The following GPHN variants were observed in gnomAD, a reference collection of about 807,000 sequenced individuals.
GPHN encodes gephyrin.
Under a neutral mutation model 95.5 loss-of-function variants are expected in GPHN, and 17 were observed. That is an observed-to-expected ratio of 0.18 (90% CI 0.12 to 0.27). GPHN has a LOEUF of 0.27. Ranked by LOEUF, GPHN falls within the 10% of genes least tolerant of loss-of-function variation. The pLI is 1.00. For synonymous variants in GPHN, 320 were observed against 322.5 expected (o/e 0.99, Z 0.08); for missense variants, 660 against 978.1 (o/e 0.67, Z 4.34).
intron 21 of GPHN, among the ~76,000 whole-genome samples, chr14:67,176,654 C>G (rs1295616588): frequency 6.6e-6 from 1 of 152,166 alleles, no homozygotes; most frequent in East Asian, 1.9e-4. Flanking sequence ...AGGAATGGTA[C>G]CAGCTCCTCT....
At chr14:66,953,557 C>T (rs1457958826) in intron 8 of GPHN, among the ~76,000 whole-genome samples, 1 of 152,180 alleles carries the variant, frequency 6.6e-6, no homozygotes, top group Non-Finnish European at 1.5e-5. Flanking sequence ...TGCAGTTGTT[C>T]TAGCATAATT....
intron 2 of GPHN, among the ~76,000 whole-genome samples, chr14:66,700,775 T>C (rs187556687): frequency 6.6e-6 from 1 of 152,116 alleles, no homozygotes; most frequent in Admixed American, 6.5e-5. Flanking sequence ...ATACAAAAAT[T>C]AGCTGGGCGT....
At chr14:66,873,225 T>G (rs1180956550) in intron 4 of GPHN, among the ~76,000 whole-genome samples, 1 of 152,172 alleles carries the variant, frequency 6.6e-6, no homozygotes, top group Non-Finnish European at 1.5e-5. Context: ...AACTGTGCAT[T>G]CCGGCCCAGA....
intron 1 of GPHN, among the ~76,000 whole-genome samples, chr14:66,581,185 G>A (rs2061151472): frequency 6.6e-6 from 1 of 150,384 alleles, no homozygotes; most frequent in Non-Finnish European, 1.5e-5. Context: ...TATATGATAG[G>A]CCCAAAATTA....
chr14:67,327,318 T>G, the GPHN span, among the ~76,000 whole-genome samples: 1 of 152,122 alleles, frequency 6.6e-6, no homozygotes, highest in Non-Finnish European at 1.5e-5. Flanking sequence ...AATGTATGTT[T>G]TAATTGTATA....
At chr14:67,317,916 A>G in the GPHN span, among the ~76,000 whole-genome samples, 1 of 152,350 alleles carries the variant, frequency 6.6e-6, no homozygotes, top group African/African-American at 2.4e-5. Context: ...CGAAAGTTGT[A>G]GCTTCTCTTA....
At chr14:66,576,242 G>C (rs1240518430) in intron 1 of GPHN, among the ~76,000 whole-genome samples, 1 of 152,166 alleles carries the variant, frequency 6.6e-6, no homozygotes, top group Non-Finnish European at 1.5e-5. Context: ...TTGGAGGCTG[G>C]GGCCACAGGA....
chr14:66,508,928 C>T, intron 1 of GPHN: 4 of 378,484 alleles, frequency 1.1e-5, no homozygotes, highest in Non-Finnish European at 2.0e-5. Context: ...ATCCCGGCTC[C>T]GCAGTCTGAA....
chr14:66,655,450 T>C (rs1015893424), intron 1 of GPHN, among the ~76,000 whole-genome samples: 4 of 152,084 alleles, frequency 2.6e-5, no homozygotes, highest in South Asian at 2.1e-4. Flanking sequence ...CATATATCAG[T>C]CTTGTATCTT....
chr14:66,764,450 T>A (rs191181355), intron 2 of GPHN, among the ~76,000 whole-genome samples: 1,830 of 152,256 alleles, frequency 0.012, 19 homozygotes, highest in Non-Finnish European at 0.018. Context: ...GTTTTTTTTT[T>A]TAATCATTTT....
At chr14:67,040,459 G>A (rs1380703779) in intron 10 of GPHN, among the ~76,000 whole-genome samples, 3 of 152,026 alleles carry the variant, frequency 2.0e-5, no homozygotes, top group Non-Finnish European at 4.4e-5. Flanking sequence ...ATGAAAATTA[G>A]GAAATGAACA....
At chr14:66,814,513 G>C (rs1210791400) in intron 3 of GPHN, among the ~76,000 whole-genome samples, 1 of 152,222 alleles carries the variant, frequency 6.6e-6, no homozygotes, top group Non-Finnish European at 1.5e-5. Flanking sequence ...CCCAGAGTTA[G>C]AGCACACAGT....
intron 1 of GPHN, among the ~76,000 whole-genome samples, chr14:66,668,648 C>T (rs1399973712): frequency 2.6e-5 from 4 of 151,946 alleles, no homozygotes; most frequent in Admixed American, 1.3e-4. Flanking sequence ...GAAGGTGGGA[C>T]GAGGGACAGT....
At chr14:67,359,836 G>T in the GPHN span, 1 of 925,154 alleles carries the variant, frequency 1.1e-6, no homozygotes, top group Non-Finnish European at 1.7e-6. Context: ...CTAAGAGGCA[G>T]CAGGGACACC....
At chr14:67,636,367 A>G in the GPHN span, among the ~76,000 whole-genome samples, 4 of 152,258 alleles carry the variant, frequency 2.6e-5, no homozygotes, top group Non-Finnish European at 1.5e-5. Flanking sequence ...AGTTGGAGCT[A>G]TTCAGCCTTG....
chr14:66,703,030 G>T (rs967520490), intron 2 of GPHN, among the ~76,000 whole-genome samples: 1 of 129,274 alleles, frequency 7.7e-6, no homozygotes, highest in Non-Finnish European at 1.5e-5. Context: ...CGACCAAGTG[G>T]AAGAAGGGAT....
At chr14:66,850,736 A>G (rs1201439378) in intron 4 of GPHN, among the ~76,000 whole-genome samples, 1 of 152,148 alleles carries the variant, frequency 6.6e-6, no homozygotes, top group Non-Finnish European at 1.5e-5. Context: ...CAGAGATTGG[A>G]AAAACCCTCA....
intron 4 of GPHN, among the ~76,000 whole-genome samples, chr14:66,830,957 A>C (rs995431654): frequency 2.0e-5 from 3 of 152,062 alleles, no homozygotes; most frequent in Non-Finnish European, 2.9e-5. Flanking sequence ...TTACTATAAG[A>C]CAGGTATTAT....
At chr14:66,900,665 T>A (rs1329108023) in intron 5 of GPHN, among the ~76,000 whole-genome samples, 1 of 151,998 alleles carries the variant, frequency 6.6e-6, no homozygotes, top group Non-Finnish European at 1.5e-5. Context: ...GCTTGCCTTG[T>A]TTCATTTAAC....
Sources: allele counts gnomAD v4.1 joint callset (sites outside exome capture counted in the v4.1 genomes callset), GRCh38; gene constraint gnomAD v4.1.1; transcripts MANE v1.5; gene names NCBI Gene and HGNC (gene_info 2026-07-23, HGNC 2026-07-21).